ADAMTS6: variants seen among roughly 807,000 people sequenced by gnomAD.
ADAMTS6 encodes the protein ADAM metallopeptidase with thrombospondin type 1 motif 6.
In ADAMTS6, 23 loss-of-function variants were observed where a neutral mutation model predicts 144.3. The observed-to-expected ratio is 0.16, with a 90% CI of 0.11 to 0.23. The LOEUF is 0.23. ADAMTS6 is among the 10% of genes least tolerant of loss of function. The pLI is 1.00. For synonymous variants in ADAMTS6, 444 were observed against 457.5 expected (o/e 0.97, Z 0.38); for missense variants, 999 against 1,379.6 (o/e 0.72, Z 4.37).
At chr5:65,356,283 G>A (rs558346122) in intron 7 of ADAMTS6, among the ~76,000 whole-genome samples, 6 of 151,828 alleles carry the variant, frequency 4.0e-5, no homozygotes, top group Non-Finnish European at 8.8e-5. Flanking sequence ...AATCTCAGGT[G>A]CAAATATTTT....
chr5:65,418,798 T>C (rs981100044), intron 7 of ADAMTS6, among the ~76,000 whole-genome samples: 7 of 151,986 alleles, frequency 4.6e-5, no homozygotes, highest in African/African-American at 1.7e-4. Context: ...TATGAAAAAA[T>C]GCTAAACATC....
chr5:65,335,424 T>A (rs910370937), intron 7 of ADAMTS6, among the ~76,000 whole-genome samples: 1 of 152,152 alleles, frequency 6.6e-6, no homozygotes, highest in Admixed American at 6.6e-5. Context: ...ATTCTTGGTG[T>A]CACAGTCAAT....
At chr5:65,348,294 T>A (rs1014856919) in intron 7 of ADAMTS6, among the ~76,000 whole-genome samples, 15 of 152,108 alleles carry the variant, frequency 9.9e-5, no homozygotes. Context: ...GAAAATGTGT[T>A]AATATATACA....
At chr5:65,153,781 G>T (rs906756234) in intron 24 of ADAMTS6, among the ~76,000 whole-genome samples, 12 of 152,292 alleles carry the variant, frequency 7.9e-5, no homozygotes, top group Non-Finnish European at 1.8e-4. Flanking sequence ...AGAGTAGCTG[G>T]ACCAAGAAAA....
chr5:65,346,844 G>A (rs538387008), intron 7 of ADAMTS6, among the ~76,000 whole-genome samples: 14 of 150,718 alleles, frequency 9.3e-5, no homozygotes, highest in Middle Eastern at 3.4e-3. Flanking sequence ...ACATAAATTC[G>A]GTAAATACGG....
chr5:65,454,074 A>T (rs1042817325), intron 4 of ADAMTS6, among the ~76,000 whole-genome samples: 1 of 152,120 alleles, frequency 6.6e-6, no homozygotes, highest in Admixed American at 6.5e-5. Flanking sequence ...TTATTGTGGG[A>T]GTGGGTTCCT....
At chr5:65,237,467 A>G (rs533870036) in intron 15 of ADAMTS6, among the ~76,000 whole-genome samples, 1 of 150,316 alleles carries the variant, frequency 6.7e-6, no homozygotes, top group South Asian at 2.1e-4. Flanking sequence ...CTCTTAAGGG[A>G]GTTAAATTTT....
At chr5:65,281,957 C>T (rs1763020520) in intron 11 of ADAMTS6, among the ~76,000 whole-genome samples, 1 of 151,988 alleles carries the variant, frequency 6.6e-6, no homozygotes, top group South Asian at 2.1e-4. Context: ...GGAAGAGAAA[C>T]TCTTCTATTT....
intron 22 of ADAMTS6, among the ~76,000 whole-genome samples, chr5:65,174,039 A>G (rs1421620781): frequency 6.8e-6 from 1 of 146,248 alleles, no homozygotes; most frequent in African/African-American, 2.5e-5. Flanking sequence ...AAAAAAATCT[A>G]TACTTCCTTC....
At chr5:65,241,026 G>A (rs1199306682) in intron 15 of ADAMTS6, among the ~76,000 whole-genome samples, 1 of 152,056 alleles carries the variant, frequency 6.6e-6, no homozygotes, top group African/African-American at 2.4e-5. Context: ...ATTAATGACT[G>A]CAATTTACTT....
At chr5:65,319,744 G>A in intron 9 of ADAMTS6, among the ~76,000 whole-genome samples, 1 of 41,574 alleles carries the variant, frequency 2.4e-5, no homozygotes, top group East Asian at 4.5e-4. Flanking sequence ...AGGGAGGGAA[G>A]GAAGGAAGGA....
chr5:65,253,891 G>A (rs146396827), intron 14 of ADAMTS6, among the ~76,000 whole-genome samples: 3 of 128,582 alleles, frequency 2.3e-5, no homozygotes, highest in Non-Finnish European at 4.6e-5. Context: ...GCAGTGATGC[G>A]ATCTCGGCTC....
chr5:65,467,476 A>G (rs1248382367), intron 3 of ADAMTS6, among the ~76,000 whole-genome samples: 1 of 152,112 alleles, frequency 6.6e-6, no homozygotes, highest in Non-Finnish European at 1.5e-5. Flanking sequence ...TTTTTAAAGA[A>G]TAAAAGGACA....
chr5:65,250,580 T>C (rs1029155851), intron 14 of ADAMTS6, among the ~76,000 whole-genome samples: 1 of 152,174 alleles, frequency 6.6e-6, no homozygotes, highest in African/African-American at 2.4e-5. Flanking sequence ...AAAACCCTTT[T>C]CCTCCATATA....
chr5:65,224,114 T>C (rs1757539039), intron 18 of ADAMTS6, among the ~76,000 whole-genome samples: 1 of 152,136 alleles, frequency 6.6e-6, no homozygotes, highest in Admixed American at 6.5e-5. Context: ...TTTTTAAATA[T>C]ATAAAATAAC....
chr5:65,265,225 T>G (rs1761518570), intron 12 of ADAMTS6, among the ~76,000 whole-genome samples: 1 of 151,876 alleles, frequency 6.6e-6, no homozygotes, highest in Admixed American at 6.6e-5. Context: ...AAAATTATCA[T>G]GAAGAAAAAA....
intron 7 of ADAMTS6, among the ~76,000 whole-genome samples, chr5:65,358,692 G>A (rs530881012): frequency 1.5e-4 from 23 of 152,120 alleles, no homozygotes; most frequent in South Asian, 4.1e-4. Context: ...TAGCCCAAGG[G>A]AACAGAACAG....
At chr5:65,445,083 A>T (rs907536005) in intron 7 of ADAMTS6, among the ~76,000 whole-genome samples, 1 of 152,234 alleles carries the variant, frequency 6.6e-6, no homozygotes, top group African/African-American at 2.4e-5. Flanking sequence ...AGTTTAGTAC[A>T]ATACATCCTT....
intron 7 of ADAMTS6, among the ~76,000 whole-genome samples, chr5:65,425,409 T>C (rs138403888): frequency 6.6e-6 from 1 of 152,298 alleles, no homozygotes; most frequent in African/African-American, 2.4e-5. Context: ...CATCCTACCA[T>C]CACTCTCATA....
Sources: gnomAD v4.1 joint callset for allele counts (sites outside exome capture counted in the v4.1 genomes callset) on GRCh38, gnomAD v4.1.1 for gene constraint, MANE v1.5 for transcripts, NCBI Gene and HGNC (gene_info 2026-07-23, HGNC 2026-07-21) for gene names.